The following PDCD1LG2 variants were observed in gnomAD, a reference collection of about 807,000 sequenced individuals.
The protein encoded by PDCD1LG2 is programmed cell death 1 ligand 2.
Under a neutral mutation model 28.2 loss-of-function variants are expected in PDCD1LG2, and 32 were observed. The ratio of observed to expected loss-of-function variants is 1.13; its 90% CI spans 0.86 to 1.52. The LOEUF (loss-of-function observed/expected upper bound fraction) is 1.52, where lower values mean the gene tolerates loss of function less well. Ranked by LOEUF, PDCD1LG2 falls within the 40% of genes most tolerant of loss-of-function variation. The pLI is 0.00. For missense variants in PDCD1LG2, 385 were observed against 323.8 expected, an observed-to-expected ratio of 1.19 and a Z score of -1.45; for synonymous variants, 116 against 120.2, an observed-to-expected ratio of 0.97 and a Z score of 0.23.
At chr9:5,527,436 T>C (rs1209947219) in intron 2 of PDCD1LG2, among the ~76,000 whole-genome samples, 1 of 152,250 alleles carries the variant, frequency 6.6e-6, no homozygotes, top group Admixed American at 6.5e-5. Context: ...CTGGCTTCTT[T>C]CACTTAACAT....
intron 2 of PDCD1LG2, among the ~76,000 whole-genome samples, chr9:5,529,510 A>T (rs1044111888): frequency 6.6e-6 from 1 of 152,114 alleles, no homozygotes; most frequent in Non-Finnish European, 1.5e-5. Flanking sequence ...ACTTATGTGT[A>T]TATCCTTTTG....
At chr9:5,519,848 A>C (rs1315672575) in intron 1 of PDCD1LG2, among the ~76,000 whole-genome samples, 2 of 152,224 alleles carry the variant, frequency 1.3e-5, no homozygotes, top group South Asian at 4.1e-4. Flanking sequence ...CCCCAAACTT[A>C]GGAATTTTCC....
intron 3 of PDCD1LG2, among the ~76,000 whole-genome samples, chr9:5,542,258 G>T (rs923410291): frequency 1.3e-5 from 2 of 152,182 alleles, no homozygotes; most frequent in African/African-American, 4.8e-5. Context: ...AGCCCTTCTA[G>T]ACATTAGCTT....
chr9:5,512,961 C>T (rs528566300), intron 1 of PDCD1LG2, among the ~76,000 whole-genome samples: 22 of 152,252 alleles, frequency 1.4e-4, no homozygotes, highest in Non-Finnish European at 2.4e-4. Context: ...CTCTTCCTTG[C>T]TTCCTTTTTC....
chr9:5,553,095 G>A (rs761901312), intron 4 of PDCD1LG2, among the ~76,000 whole-genome samples: 17 of 152,216 alleles, frequency 1.1e-4, no homozygotes, highest in Middle Eastern at 3.4e-3. Context: ...CTGGGCAACC[G>A]AGTGAGACTC....
chr9:5,567,137 A>T (rs185887836), intron 6 of PDCD1LG2, among the ~76,000 whole-genome samples: 1 of 152,336 alleles, frequency 6.6e-6, no homozygotes, highest in Admixed American at 6.5e-5. Flanking sequence ...AACCAAATAC[A>T]TTATATAGGA....
At chr9:5,542,595 A>G (rs1457900751) in intron 3 of PDCD1LG2, among the ~76,000 whole-genome samples, 1 of 152,244 alleles carries the variant, frequency 6.6e-6, no homozygotes, top group African/African-American at 2.4e-5. Context: ...AATGCTCAAC[A>G]TCACTAATTC....
At chr9:5,562,635 A>G (rs1393098670) in intron 5 of PDCD1LG2, among the ~76,000 whole-genome samples, 3 of 54,732 alleles carry the variant, frequency 5.5e-5, no homozygotes, top group Non-Finnish European at 1.0e-4. Context: ...CCCTAAACCT[A>G]TTGATATAAA....
In PDCD1LG2 at chr9:5,570,844, G is replaced by T. The variant is rs1181411389; in HGVS notation, c.*885G>T. 4.3e-6 allele frequency: 1 copy of T among 232,674 alleles called. No individual in the cohort carries two copies. Among genetic ancestry groups the T allele is most frequent in the African/African-American group, 2.2e-5 (1 of 45,298 alleles). The allele number at this position is 232,674 out of a possible 1,614,324, so 14.4% of individuals were successfully genotyped here. ...TGGCCCTCAATATGACTTTAAATTT[G>T]ACTTTTCAGTGCCTCAGTTTGCACA... On this transcript the variant is annotated 3_prime_UTR_variant, in exon 7 of 7. Coordinates refer to ENST00000397747, the MANE Select transcript of PDCD1LG2 (RefSeq NM_025239.4).
intron 2 of PDCD1LG2, among the ~76,000 whole-genome samples, chr9:5,530,473 CAA>C (rs572807984): frequency 4.5e-4 from 45 of 100,220 alleles, no homozygotes; most frequent in Non-Finnish European, 5.3e-4. Context: ...TAGCATACAG[CAA>C]AAAAAAAAAA....
chr9:5,513,404 T>C (rs1447969795), intron 1 of PDCD1LG2, among the ~76,000 whole-genome samples: 5 of 152,238 alleles, frequency 3.3e-5, no homozygotes, highest in Non-Finnish European at 7.3e-5. Context: ...CTTTTGCAAT[T>C]TTATCACTTG....
At chr9:5,535,819 G>C (rs1820569582) in intron 3 of PDCD1LG2, among the ~76,000 whole-genome samples, 1 of 152,078 alleles carries the variant, frequency 6.6e-6, no homozygotes, top group Admixed American at 6.6e-5. Flanking sequence ...CTCCACTCCA[G>C]CACAATTGAA....
chr9:5,551,901 T>C (rs1320905916), intron 4 of PDCD1LG2, among the ~76,000 whole-genome samples: 1 of 152,214 alleles, frequency 6.6e-6, no homozygotes, highest in African/African-American at 2.4e-5. Context: ...AGATTTAATA[T>C]ACACCAGTTT....
chr9:5,565,705 T>C (rs964785575), intron 6 of PDCD1LG2, among the ~76,000 whole-genome samples: 2 of 152,198 alleles, frequency 1.3e-5, no homozygotes, highest in Non-Finnish European at 2.9e-5. Context: ...TTGATATTTG[T>C]CTTTCTGTCC....
intron 5 of PDCD1LG2, among the ~76,000 whole-genome samples, chr9:5,562,402 C>T (rs985473129): frequency 5.9e-5 from 9 of 152,130 alleles, no homozygotes; most frequent in African/African-American, 1.7e-4. Context: ...AAACCAAATA[C>T]CATATATTCT....
At chr9:5,560,454 T>G (rs1183003789) in intron 5 of PDCD1LG2, among the ~76,000 whole-genome samples, 3 of 152,216 alleles carry the variant, frequency 2.0e-5, no homozygotes, top group Non-Finnish European at 1.5e-5. Context: ...GTAACCTTGC[T>G]GGTTCCGATC....
rs769084099 is a variant in PDCD1LG2, at chr9:5,549,489, C to G, written c.516C>G (p.Gly172=). 1.4e-5 allele frequency: 23 copies of G among 1,614,076 alleles called. No homozygotes were observed. In the East Asian group the frequency reaches 4.7e-4, roughly 33 times the overall value. Residue 172 remains glycine (G), a synonymous_variant, in exon 4 of 7, where the codon GGC becomes GGG. Coordinates refer to ENST00000397747, the MANE Select transcript of PDCD1LG2 (RefSeq NM_025239.4). The part of the protein sequence containing the change: ...ANTSHSRTPE[G]LYQVTSVLRL... ...CCAGCCACTCCAGGACCCCTGAAGG[C>G]CTCTACCAGGTCACCAGTGTTCTGC...
rs907936942 is a variant in PDCD1LG2, at chr9:5,559,811, T to C, written c.766+2059T>C. On this transcript the variant is annotated intron_variant, in intron 5 of 6. Coordinates refer to ENST00000397747, the MANE Select transcript of PDCD1LG2 (RefSeq NM_025239.4). The stretch of plus-strand genomic sequence containing the variant: ...CTTCTTATTGCTCACTGGATGAAGT[T>C]CCAACGAGCCCAGGATGGTTTGACT... 3.3e-5 allele frequency among the ~76,000 whole-genome samples: 5 copies of C among 152,200 alleles called. No homozygotes were observed. The South Asian group carries it at 6.2e-4, about 19-fold the overall frequency.
chr9:5,515,102 C>G (rs1459549422), intron 1 of PDCD1LG2, among the ~76,000 whole-genome samples: 1 of 152,110 alleles, frequency 6.6e-6, no homozygotes. Flanking sequence ...TTTCACATAC[C>G]TTGTCCAAGT....
Sources: gnomAD v4.1 joint callset for allele counts (sites outside exome capture counted in the v4.1 genomes callset) on GRCh38, gnomAD v4.1.1 for gene constraint, MANE v1.5 for transcripts, NCBI Gene and HGNC (gene_info 2026-07-23, HGNC 2026-07-21) for gene names.